Variants in CUL3 observed in about 807,000 individuals in gnomAD.
CUL3 encodes cullin 3, also known as cullin-3.
CUL3 carries 19 observed loss-of-function variants against 89.1 expected under a neutral mutation model. That is an observed-to-expected ratio of 0.21 (90% CI 0.15 to 0.31). The LOEUF is 0.31. Ranked by LOEUF, CUL3 falls within the 10% of genes least tolerant of loss-of-function variation. The pLI is 1.00. For missense variants in CUL3, 469 were observed against 942.3 expected (o/e 0.50, Z 6.58); for synonymous variants, 351 against 308.4 (o/e 1.14, Z -1.45).
intron 2 of CUL3, among the ~76,000 whole-genome samples, chr2:224,536,414 C>T (rs775000740): frequency 4.8e-5 from 7 of 145,302 alleles, no homozygotes; most frequent in Non-Finnish European, 1.1e-4. Flanking sequence ...CTTCACCATA[C>T]AATTTGTTTT....
intron 8 of CUL3, 130 bp from the exon 9 acceptor site, chr2:224,503,952 G>C (rs992771602): frequency 3.3e-5 from 22 of 673,182 alleles, no homozygotes; most frequent in Non-Finnish European, 4.0e-5. Flanking sequence ...TCAAAAAAAG[G>C]GATACGGTTT....
chr2:224,493,110 A>G (rs955242637), intron 13 of CUL3, among the ~76,000 whole-genome samples: 1 of 152,186 alleles, frequency 6.6e-6, no homozygotes, highest in African/African-American at 2.4e-5. Context: ...AGCCAGAACT[A>G]CCCAACTGAG....
chr2:224,550,539 G>A lies in CUL3; in HGVS notation c.264+7120C>T, dbSNP rs572172699. ...TTTGATTTGCATATCAAATTTTACA[G>A]GTATCTTAAAACTAACCTGTTCAAA... is the stretch of plus-strand genomic sequence containing the variant. On this transcript the variant is annotated intron_variant, in intron 2 of 15. Coordinates refer to ENST00000264414, the MANE Select transcript of CUL3 (RefSeq NM_003590.5). Among the ~76,000 whole-genome samples, 125 of 152,180 alleles carry A rather than the reference G, an allele frequency of 8.2e-4. 1 individual carries two copies. Among genetic ancestry groups the A allele is most frequent in the African/African-American group, 2.8e-3 (117 of 41,496 alleles).
At chr2:224,518,546 C>T (rs1693149871) in intron 3 of CUL3, among the ~76,000 whole-genome samples, 1 of 152,248 alleles carries the variant, frequency 6.6e-6, no homozygotes, top group East Asian at 1.9e-4. Flanking sequence ...GGATCTATCA[C>T]TTATGGTAAA....
chr2:224,484,669 T>C (rs1350585036), intron 13 of CUL3, among the ~76,000 whole-genome samples: 1 of 152,198 alleles, frequency 6.6e-6, no homozygotes, highest in Admixed American at 6.5e-5. Context: ...TATTCAACAT[T>C]TTCTTCCATT....
chr2:224,582,480 G>A (rs1695464378), intron 1 of CUL3, among the ~76,000 whole-genome samples: 1 of 152,090 alleles, frequency 6.6e-6, no homozygotes, highest in Non-Finnish European at 1.5e-5. Flanking sequence ...CTTTCCAATG[G>A]GAATCACTTA....
intron 15 of CUL3, among the ~76,000 whole-genome samples, chr2:224,475,131 C>A (rs1026414193): frequency 6.6e-5 from 10 of 152,186 alleles, no homozygotes; most frequent in Non-Finnish European, 1.3e-4. Context: ...CATTCTCCTG[C>A]CTCAGCCTCC....
In CUL3 at chr2:224,473,482, C is replaced by T. The variant is rs1238426076; in HGVS notation, c.*763G>A. 1 of 183,390 alleles carries T rather than the reference C, an allele frequency of 5.5e-6. No homozygotes were observed. The highest frequency in any genetic ancestry group is 6.2e-5 in the Admixed American group (1 of 16,018). The allele number at this position is 183,390 out of a possible 1,614,324, so 11.4% of individuals were successfully genotyped here. On this transcript the variant is annotated 3_prime_UTR_variant, in exon 16 of 16. Transcript: ENST00000264414. ...ACCACCCTATACAATCCACTATTAG[C>T]AGTGAGTACAACAGCAAAAAAATTA...
chr2:224,561,064 A>C (rs1290748036), intron 1 of CUL3, among the ~76,000 whole-genome samples: 1 of 152,070 alleles, frequency 6.6e-6, no homozygotes, highest in Non-Finnish European at 1.5e-5. Context: ...TGCCCACCTT[A>C]TTTACAGTAA....
intron 5 of CUL3, among the ~76,000 whole-genome samples, chr2:224,512,307 A>G (rs2106218019): frequency 6.6e-6 from 1 of 152,176 alleles, no homozygotes; most frequent in Non-Finnish European, 1.5e-5. Flanking sequence ...CGTGTTAGCC[A>G]GGATGGTCTC....
intron 2 of CUL3, among the ~76,000 whole-genome samples, chr2:224,536,892 G>A (rs961249099): frequency 6.6e-6 from 1 of 152,150 alleles, no homozygotes; most frequent in Non-Finnish European, 1.5e-5. Context: ...TTGTCTCCAA[G>A]TTCCTGTAAC....
chr2:224,509,000 T>C (rs1002492486), intron 6 of CUL3, among the ~76,000 whole-genome samples: 22 of 151,372 alleles, frequency 1.5e-4, no homozygotes, highest in African/African-American at 4.1e-4. Flanking sequence ...CATTTCATAG[T>C]GCTATCTGCA....
chr2:224,483,621 C>T (rs1691610557), intron 13 of CUL3, among the ~76,000 whole-genome samples: 1 of 152,158 alleles, frequency 6.6e-6, no homozygotes. Flanking sequence ...TATGCATATA[C>T]ATGAACGTAC....
intron 1 of CUL3, among the ~76,000 whole-genome samples, chr2:224,570,276 C>A (rs1695153925): frequency 6.6e-6 from 1 of 152,168 alleles, no homozygotes; most frequent in Non-Finnish European, 1.5e-5. Context: ...CCTTAAGCAA[C>A]ATCAACCATC....
chr2:224,501,748 G>T (rs905381007), intron 10 of CUL3, among the ~76,000 whole-genome samples: 1 of 152,106 alleles, frequency 6.6e-6, no homozygotes, highest in Non-Finnish European at 1.5e-5. Context: ...TTATACATTC[G>T]CAAGTTGGTT....
At chr2:224,554,031 C>G (rs1694611968) in intron 2 of CUL3, among the ~76,000 whole-genome samples, 1 of 152,128 alleles carries the variant, frequency 6.6e-6, no homozygotes, top group African/African-American at 2.4e-5. Flanking sequence ...CATACTGGAG[C>G]CCAAAACTTG....
chr2:224,569,604 TCATTTA>T, intron 1 of CUL3: 1 of 651,852 alleles, frequency 1.5e-6, no homozygotes, highest in Non-Finnish European at 1.9e-6. Flanking sequence ...CAAAATCTTT[TCATTTA>T]CATTACTTCA....
chr2:224,569,805 C>A (rs1574705255), intron 1 of CUL3: 1 of 1,119,228 alleles, frequency 8.9e-7, no homozygotes, highest in Non-Finnish European at 1.1e-6. Context: ...AGTCTTTAGT[C>A]CTCTGTGAAT....
At chr2:224,576,573 A>C (rs1359456943) in intron 1 of CUL3, among the ~76,000 whole-genome samples, 8 of 151,900 alleles carry the variant, frequency 5.3e-5, no homozygotes. Context: ...TTCTCATGTA[A>C]TCAATCATTC....
Sources: allele counts gnomAD v4.1 joint callset (sites outside exome capture counted in the v4.1 genomes callset), GRCh38; gene constraint gnomAD v4.1.1; transcripts MANE v1.5; gene names NCBI Gene and HGNC (gene_info 2026-07-23, HGNC 2026-07-21).